The following DNMT3A variants were observed in gnomAD, a reference collection of about 807,000 sequenced individuals.
The protein encoded by DNMT3A is DNA methyltransferase 3 alpha, also known as DNA (cytosine-5)-methyltransferase 3A.
In DNMT3A, 267 loss-of-function variants were observed where a neutral mutation model predicts 117.6. The ratio of observed to expected loss-of-function variants is 2.27; its 90% confidence interval spans 2.05 to 2.51. The LOEUF (loss-of-function observed/expected upper bound fraction) is 2.51, where lower values mean the gene tolerates loss of function less well. Ranked by LOEUF, DNMT3A falls within the 30% of genes most tolerant of loss-of-function variation. The pLI is 0.00. For missense variants in DNMT3A, 1,029 were observed against 1,260.2 expected (o/e 0.82, Z 2.78); for synonymous variants, 432 against 474.8 (o/e 0.91, Z 1.17).
chr2:25,258,481 G>A (rs925085033), intron 6 of DNMT3A, among the ~76,000 whole-genome samples: 1 of 152,226 alleles, frequency 6.6e-6, no homozygotes, highest in Non-Finnish European at 1.5e-5. Context: ...AGCACCTGCA[G>A]TAGGTAGGCT....
At position 25,247,923 on chromosome 2, in the gene DNMT3A, G is replaced by A. The variant is rs1298720924; in HGVS notation, c.855+114C>T. 2.0e-6 allele frequency: 3 copies of A among 1,534,552 alleles called. No homozygotes were observed. The highest frequency in any genetic ancestry group is 2.6e-6 in the Non-Finnish European group (3 of 1,136,006). On this transcript the variant is annotated intron_variant, in intron 7 of 22. Coordinates refer to ENST00000321117, the MANE Select transcript of DNMT3A (RefSeq NM_022552.5). This position sits in a 1 kb window ranked among gnomAD's most constrained non-coding sequence, Gnocchi z 5.6. The stretch of plus-strand genomic sequence containing the variant: ...GGGGAGACGAAGAGGCCCGGGGTCA[G>A]GTGGAGAGAGCGAGCGGCCCGTGGG...
chr2:25,282,068 C>A lies in DNMT3A; in HGVS notation c.448+373G>T. ...AGCTGCAGAAAACTAAGGCCCACAA[C>A]CAGCCACAGAAGGCGATGGAGGGAC... is the stretch of plus-strand genomic sequence containing the variant. On this transcript the variant is annotated intron_variant, in intron 4 of 22. Coordinates refer to ENST00000321117, the MANE Select transcript of DNMT3A (RefSeq NM_022552.5). The surrounding 1 kb of genome is among the most constrained non-coding windows in gnomAD (Gnocchi z 5.2). 1 of 1,155,438 alleles carries A rather than the reference C, an allele frequency of 8.7e-7. No individual in the cohort carries two copies. Among genetic ancestry groups the A allele is most frequent in the Non-Finnish European group, 1.1e-6 (1 of 926,364 alleles). 71.6% of individuals were successfully genotyped at this position (1,155,438 alleles called of 1,614,324 possible).
At position 25,229,974 on chromosome 2, in the gene DNMT3A, C is replaced by T. The variant is rs1672805630; in HGVS notation, c.*4305G>A. On this transcript the variant is annotated 3_prime_UTR_variant, in exon 23 of 23. Transcript: ENST00000321117. ...GCAAGGGGAGCTGGGCCCTGTGAGA[C>T]CCCTTTGGTGTCAGCCTTCCTTCCT... The T allele has an allele frequency of 6.6e-6, 1 of 152,366 alleles. No homozygotes were observed. Among genetic ancestry groups the T allele is most frequent in the Admixed American group, 6.5e-5 (1 of 15,300 alleles). 9.4% of individuals were successfully genotyped at this position (152,366 alleles called of 1,614,324 possible).
chr2:25,300,076 G>A (rs1434826286), intron 3 of DNMT3A, 63 bp downstream of exon 3: 6 of 1,546,328 alleles, frequency 3.9e-6, no homozygotes, highest in Middle Eastern at 1.7e-4. Flanking sequence ...CACTGCCATC[G>A]ACAGGCCAGG....
chr2:25,278,787 C>CA (rs2031662437), intron 4 of DNMT3A, among the ~76,000 whole-genome samples: 1 of 151,938 alleles, frequency 6.6e-6, no homozygotes, highest in African/African-American at 2.4e-5. Context: ...GATTGTGCCA[C>CA]TGCACTCCAG....
chr2:25,241,538 C>T, intron 17 of DNMT3A, 24 bp downstream of exon 17: 1 of 1,600,684 alleles, frequency 6.2e-7, no homozygotes, highest in Non-Finnish European at 8.5e-7. Flanking sequence ...GGAAGACGGG[C>T]TGCGCCCCAC....
In DNMT3A at chr2:25,311,141, G is replaced by C. The variant is rs1320728063; in HGVS notation, c.72+2772C>G. ...CGGGGCTGGGGGCGGGGGCGGGGAG[G>C]GGGGGCGGCGGTGGGCAGAGGCTAG... On this transcript the variant is annotated intron_variant, in intron 2 of 22. Coordinates refer to ENST00000321117, the MANE Select transcript of DNMT3A (RefSeq NM_022552.5). The surrounding 1 kb of genome is among the most constrained non-coding windows in gnomAD (Gnocchi z 5.2). Among the ~76,000 whole-genome samples, 3 of 151,014 alleles carry C rather than the reference G, an allele frequency of 2.0e-5. No homozygotes were observed. Among genetic ancestry groups the C allele is most frequent in the East Asian group, 2.0e-4 (1 of 5,102 alleles).
intron 1 of DNMT3A, among the ~76,000 whole-genome samples, chr2:25,336,434 T>A (rs1352307710): frequency 1.3e-5 from 2 of 152,148 alleles, no homozygotes; most frequent in East Asian, 1.9e-4. Context: ...TCCTCAACCA[T>A]GACTGCTATC....
chr2:25,300,563 G>A (rs1335799850), intron 2 of DNMT3A, among the ~76,000 whole-genome samples: 2 of 144,540 alleles, frequency 1.4e-5, no homozygotes, highest in African/African-American at 5.1e-5. Context: ...GCAACATAGT[G>A]AGACTCCATC....
intron 6 of DNMT3A, among the ~76,000 whole-genome samples, chr2:25,250,611 G>C (rs1675405786): frequency 6.6e-6 from 1 of 152,242 alleles, no homozygotes; most frequent in Non-Finnish European, 1.5e-5. Context: ...ACCCCGCTAT[G>C]GGGGAGGGTG....
At chr2:25,265,166 T>A (rs78720491) in intron 6 of DNMT3A, among the ~76,000 whole-genome samples, 5 of 152,108 alleles carry the variant, frequency 3.3e-5, no homozygotes, top group Non-Finnish European at 7.4e-5. Context: ...CAGGACCACA[T>A]GAGTAGAGCA....
chr2:25,267,617 A>G (rs2030474370), intron 6 of DNMT3A, among the ~76,000 whole-genome samples: 1 of 152,220 alleles, frequency 6.6e-6, no homozygotes, highest in Admixed American at 6.5e-5. Context: ...ACTTTTTCAC[A>G]AGAATGTATT....
In DNMT3A at chr2:25,337,886, T is replaced by G. The variant is rs1361645187; in HGVS notation, c.-178+3940A>C. The stretch of plus-strand genomic sequence containing the variant: ...AAAGCCCTGCTCAGGAACAGCAAAG[T>G]CCCTGCAGAAACCCAGCCTCAGGCC... On this transcript the variant is annotated intron_variant, in intron 1 of 22. Transcript: ENST00000321117. This position sits in a 1 kb window ranked among gnomAD's most constrained non-coding sequence, Gnocchi z 5.0. Among the ~76,000 whole-genome samples the G allele has an allele frequency of 6.6e-6, 1 of 152,188 alleles. No individual in the cohort carries two copies. Among genetic ancestry groups the G allele is most frequent in the Non-Finnish European group, 1.5e-5 (1 of 68,034 alleles).
rs1340412422 is a variant in DNMT3A, at chr2:25,306,554, C to G, written c.73-6311G>C. Among the ~76,000 whole-genome samples, 2 of 152,200 alleles carry G rather than the reference C, an allele frequency of 1.3e-5. No individual in the cohort carries two copies. Among genetic ancestry groups the G allele is most frequent in the Non-Finnish European group, 2.9e-5 (2 of 68,040 alleles). On this transcript the variant is annotated intron_variant, in intron 2 of 22. Transcript: ENST00000321117. The surrounding 1 kb of genome is among the most constrained non-coding windows in gnomAD (Gnocchi z 4.1). ...GAGGTGTTCCAGAAATGCTAAATAGCTGACAACGGTGGTGCCCATCTGGTT... is the reference window on the plus strand; with the variant it reads ...GAGGTGTTCCAGAAATGCTAAATAGGTGACAACGGTGGTGCCCATCTGGTT...
intron 2 of DNMT3A, among the ~76,000 whole-genome samples, chr2:25,300,717 ATATATATAT>A (rs1326267924): frequency 1.0e-3 from 4 of 3,880 alleles, no homozygotes; most frequent in Admixed American, 3.4e-3. Context: ...AATATAATAT[ATATATATAT>A]ATATATATAT....
At chr2:25,284,645 T>TAAAAA (rs56901099) in intron 3 of DNMT3A, among the ~76,000 whole-genome samples, 568 of 16,644 alleles carry the variant, frequency 0.034, 65 homozygotes, top group Non-Finnish European at 0.037. Context: ...AGACTCCATC[T>TAAAAA]AAAAAAAAAA....
chr2:25,246,374 C>G lies in DNMT3A; in HGVS notation c.1280-65G>C, dbSNP rs1029781831. 9 of 1,539,826 alleles carry G rather than the reference C, an allele frequency of 5.8e-6. No homozygotes were observed. In the African/African-American group the frequency reaches 1.1e-4, roughly 19 times the overall value. ...GACAGGAAACTCCAGCCCCTTCCCC[C>G]ACCCTCCTTACAGTGGGGTGCGGCC... On this transcript the variant is annotated intron_variant, in intron 10 of 22. Coordinates refer to ENST00000321117, the MANE Select transcript of DNMT3A (RefSeq NM_022552.5).
chr2:25,336,372 G>A (rs565299539), intron 1 of DNMT3A, among the ~76,000 whole-genome samples: 77 of 152,226 alleles, frequency 5.1e-4, no homozygotes, highest in African/African-American at 1.7e-3. Context: ...GGCAAGGGGG[G>A]ACATGGAGAC....
At chr2:25,284,040 C>A (rs186931246) in intron 3 of DNMT3A, among the ~76,000 whole-genome samples, 21 of 152,322 alleles carry the variant, frequency 1.4e-4, no homozygotes, top group Admixed American at 1.2e-3. Flanking sequence ...GCCAGGACAC[C>A]TCAAGAAGAA....
Sources: gnomAD v4.1 joint callset for allele counts (sites outside exome capture counted in the v4.1 genomes callset) on GRCh38, gnomAD v4.1.1 for gene constraint, Gnocchi (gnomAD v3.1) non-coding constraint, MANE v1.5 for transcripts, NCBI Gene and HGNC (gene_info 2026-07-23, HGNC 2026-07-21) for gene names.